DUXB: variants seen among roughly 807,000 people sequenced by gnomAD.
The protein encoded by DUXB is double homeobox B.
In DUXB, 22 loss-of-function variants were observed where a neutral mutation model predicts 8.9. That is an observed-to-expected ratio of 2.46 (90% CI 1.76 to 3.52). The LOEUF is 3.52. Ranked by LOEUF, DUXB falls within the 30% of genes most tolerant of loss-of-function variation. The pLI, the probability that DUXB is intolerant of heterozygous loss-of-function variation, is 0.00. For missense variants in DUXB, 237 were observed against 108.7 expected, an observed-to-expected ratio of 2.18 and a Z score of -5.25; for synonymous variants, 84 against 37.6, an observed-to-expected ratio of 2.23 and a Z score of -4.52.
chr16:75,696,248 A>G lies in DUXB; in HGVS notation c.287-133T>C. 4.9e-6 allele frequency: 3 copies of G among 617,346 alleles called. No homozygotes were observed. The East Asian group carries it at 8.2e-5, about 17-fold the overall frequency. 38.2% of individuals were successfully genotyped at this position (617,346 alleles called of 1,614,324 possible). ...GCAGAAGAGGTCATTGCTCTGCAGCAGGACCAAAAAGCCCAGAGCTAGGCT... is the reference window on the plus strand; with the variant it reads ...GCAGAAGAGGTCATTGCTCTGCAGCGGGACCAAAAAGCCCAGAGCTAGGCT... On this transcript the variant is annotated intron_variant, in intron 3 of 4. Transcript: ENST00000633875.
intron 4 of DUXB, 33 bp from the exon 5 acceptor site, chr16:75,694,558 A>G: frequency 1.4e-6 from 1 of 702,670 alleles, no homozygotes; most frequent in Middle Eastern, 2.3e-4. Flanking sequence ...TGACATCATA[A>G]GACATAAGCA....
Position 75,696,123 on chromosome 16 carries a change from A to G in DUXB, c.287-8T>C, listed in dbSNP as rs768511477. On this transcript the variant is annotated splice_polypyrimidine_tract_variant and splice_region_variant and intron_variant, in intron 3 of 4. Transcript: ENST00000633875. ...CTTCTTTAGGTAAGTATTCTAAAGG[A>G]GAACACAGAAGCTGTTGGGGAATTT... 4 of 674,958 alleles carry G rather than the reference A, an allele frequency of 5.9e-6. No homozygotes were observed. Among genetic ancestry groups the G allele is most frequent in the East Asian group, 2.8e-5 (1 of 35,380 alleles). 41.8% of individuals were successfully genotyped at this position (674,958 alleles called of 1,614,324 possible).
chr16:75,695,063 T>C (rs1463188171), intron 4 of DUXB, among the ~76,000 whole-genome samples: 1 of 152,252 alleles, frequency 6.6e-6, no homozygotes, highest in Non-Finnish European at 1.5e-5. Flanking sequence ...AAAGAAATCT[T>C]ATACATTTTG....
At chr16:75,701,263 C>T (rs532622576) in intron 1 of DUXB, 131 bp downstream of exon 1, 49 of 396,878 alleles carry the variant, frequency 1.2e-4, no homozygotes, top group African/African-American at 5.1e-4. Flanking sequence ...AATTTATCAG[C>T]GAAAAACAGC....
intron 2 of DUXB, 131 bp from the exon 3 acceptor site, chr16:75,697,074 C>T (rs1424554699): frequency 3.3e-6 from 2 of 612,276 alleles, no homozygotes; most frequent in Non-Finnish European, 2.9e-6. Flanking sequence ...AAAGGCAATC[C>T]ATTATCCTAG....
intron 4 of DUXB, 56 bp from the exon 5 acceptor site, chr16:75,694,581 C>T (rs2151831732): frequency 2.9e-6 from 2 of 700,502 alleles, no homozygotes; most frequent in Non-Finnish European, 5.2e-6. Flanking sequence ...TGTAACTCTG[C>T]ATCAGATACT....
At chr16:75,697,118 C>T (rs1427002714) in intron 2 of DUXB, among the ~76,000 whole-genome samples, 175 bp from the exon 3 acceptor site, 2 of 152,144 alleles carry the variant, frequency 1.3e-5, no homozygotes, top group African/African-American at 4.8e-5. Flanking sequence ...GATTCAGGAC[C>T]ACACACGCAT....
Position 75,694,199 on chromosome 16 carries a change from C to G in DUXB, c.768G>C (p.Pro256=). Reference sequence around the variant, plus strand: ...GAATTGGCAGTGTCAGGAGGTGATTCGGAATTATCAGAGGCTGATCAGACT... The same window carrying G: ...GAATTGGCAGTGTCAGGAGGTGATTGGGAATTATCAGAGGCTGATCAGACT... The part of the protein sequence containing the change: ...GEKSDQPLII[P]NHLLTLPILT... The change falls in exon 5 of 5, where the codon CCG becomes CCC. Residue 256 remains proline, a synonymous_variant. Coordinates refer to ENST00000633875, the MANE Select transcript of DUXB (RefSeq NM_001351307.2). 2 of 495,482 alleles carry G rather than the reference C, an allele frequency of 4.0e-6. No individual in the cohort carries two copies. The highest frequency in any genetic ancestry group is 3.2e-5 in the East Asian group (1 of 30,916). The allele number at this position is 495,482 out of a possible 1,614,324, so 30.7% of individuals were successfully genotyped here.
rs1420122551 is a variant in DUXB, at chr16:75,695,909, G to A, written c.441+52C>T. ...TGTAAGTTTTTCAATAACACCTCCAGGGGGCAGTATCACAGGCAGGACATA... is the reference window on the plus strand; with the variant it reads ...TGTAAGTTTTTCAATAACACCTCCAAGGGGCAGTATCACAGGCAGGACATA... On this transcript the variant is annotated intron_variant, in intron 4 of 4. Transcript: ENST00000633875. 4.3e-6 allele frequency: 3 copies of A among 697,716 alleles called. No individual in the cohort carries two copies. The African/African-American group carries it at 5.3e-5, about 12-fold the overall frequency. The allele number at this position is 697,716 out of a possible 1,614,324, so 43.2% of individuals were successfully genotyped here. A position where few individuals can be genotyped will look rare whatever the true frequency, so the allele number is the denominator to read the frequency against.
chr16:75,694,329 A>G lies in DUXB; in HGVS notation c.638T>C (p.Val213Ala), dbSNP rs1351941947. 1.6e-6 allele frequency: 1 copy of G among 628,908 alleles called. No individual in the cohort carries two copies. Among genetic ancestry groups the G allele is most frequent in the Non-Finnish European group, 2.8e-6 (1 of 354,644 alleles). The allele number at this position is 628,908 out of a possible 1,614,324, so 39.0% of individuals were successfully genotyped here. The part of the protein sequence containing the change: ...SSSGHETLPP[V>A]LPSTQAPWDP... ...CCAAGGAGCCTGGGTTGAAGGAAGA[A>G]CAGGTGGAAGAGTTTCATGCCCGCT... The change falls in exon 5 of 5, where the codon GTT becomes GCT. Residue 213 changes from valine (V) to alanine (A), a missense_variant. Physicochemically the swap from Val to Ala is moderately conservative, Grantham distance 64 (BLOSUM62 0). Transcript: ENST00000633875.
rs1194025246 is a variant in DUXB, at chr16:75,694,527, T to A, written c.442-2A>T. The A allele has an allele frequency of 3.1e-5, 22 of 702,828 alleles. No homozygotes were observed. The highest frequency in any genetic ancestry group is 8.0e-5 in the Admixed American group (4 of 49,964). 43.5% of individuals were successfully genotyped at this position (702,828 alleles called of 1,614,324 possible). On this transcript the variant is annotated splice_acceptor_variant, in intron 4 of 4. Transcript: ENST00000633875. LOFTEE classifies it high-confidence loss of function. Reference sequence around the variant, plus strand: ...AGATCTTTGTTTCTGAAACCACATCTAAATGAGAAAAAGGGCAACATGACA... The same window carrying A: ...AGATCTTTGTTTCTGAAACCACATCAAAATGAGAAAAAGGGCAACATGACA...
chr16:75,695,933 T>C (rs1434940528), intron 4 of DUXB, 28 bp downstream of exon 4: 3 of 702,590 alleles, frequency 4.3e-6, no homozygotes, highest in Non-Finnish European at 7.8e-6. Flanking sequence ...AGGCAGGACA[T>C]AGTTGGGATC....
chr16:75,696,970 T>C, intron 2 of DUXB, 27 bp from the exon 3 acceptor site: 3 of 699,118 alleles, frequency 4.3e-6, no homozygotes, highest in South Asian at 1.5e-5. Context: ...GATGTGATAG[T>C]CATACAACTC....
chr16:75,700,240 ATTAAT>A (rs753607313), intron 1 of DUXB, 71 bp from the exon 2 acceptor site: 1 of 609,588 alleles, frequency 1.6e-6, no homozygotes, highest in Non-Finnish European at 2.9e-6. Context: ...CTTTGATTAA[ATTAAT>A]TTATTTTGAG....
intron 1 of DUXB, among the ~76,000 whole-genome samples, chr16:75,700,991 C>T (rs575464357): frequency 7.9e-5 from 12 of 151,984 alleles, no homozygotes; most frequent in African/African-American, 2.7e-4. Flanking sequence ...GGAAAATTAA[C>T]AAAAATCAAT....
intron 1 of DUXB, among the ~76,000 whole-genome samples, chr16:75,701,080 A>G (rs1045685723): frequency 6.6e-6 from 1 of 152,168 alleles, no homozygotes; most frequent in South Asian, 2.1e-4. Flanking sequence ...GACAAAGAAT[A>G]TATCTCAGTA....
chr16:75,700,872 A>G (rs1389852981), intron 1 of DUXB, among the ~76,000 whole-genome samples: 1 of 152,196 alleles, frequency 6.6e-6, no homozygotes, highest in Non-Finnish European at 1.5e-5. Context: ...TTGGGTATAT[A>G]AACATTTAAA....
chr16:75,696,648 G>T (rs546730785), intron 3 of DUXB, among the ~76,000 whole-genome samples, 190 bp downstream of exon 3: 1 of 152,280 alleles, frequency 6.6e-6, no homozygotes, highest in East Asian at 1.9e-4. Flanking sequence ...CTCTGCCTAT[G>T]GAGTAGCCAT....
chr16:75,696,986 A>G, intron 2 of DUXB, 43 bp from the exon 3 acceptor site: 1 of 687,490 alleles, frequency 1.5e-6, no homozygotes, highest in Non-Finnish European at 2.6e-6. Flanking sequence ...AACTCAGTGT[A>G]TGTCAATATT....
Sources: gnomAD v4.1 joint callset for allele counts (sites outside exome capture counted in the v4.1 genomes callset) on GRCh38, gnomAD v4.1.1 for gene constraint, MANE v1.5 for transcripts, NCBI Gene and HGNC (gene_info 2026-07-23, HGNC 2026-07-21) for gene names.